UGT1A5: variants seen among roughly 807,000 people sequenced by gnomAD.
UGT1A5 encodes UDP-glucuronosyltransferase 1A5.
Under a neutral mutation model 40.3 loss-of-function variants are expected in UGT1A5, and 29 were observed. The observed-to-expected ratio is 0.72, with a 90% confidence interval of 0.54 to 0.98. The LOEUF (loss-of-function observed/expected upper bound fraction) is 0.98. Ranked by LOEUF, UGT1A5 falls within the 50% of genes least tolerant of loss-of-function variation. UGT1A5 has a pLI of 0.00. For synonymous variants in UGT1A5, 257 were observed against 262.5 expected (o/e 0.98, Z 0.20); for missense variants, 678 against 677.9 (o/e 1.00, Z 0.00).
At chr2:233,734,101 TATA>T (rs549143261) in intron 1 of UGT1A5, among the ~76,000 whole-genome samples, 12 of 151,314 alleles carry the variant, frequency 7.9e-5, no homozygotes, top group South Asian at 4.2e-4. Flanking sequence ...AAACTTAAAG[TATA>T]ATAATAATAA....
chr2:233,755,024 G>A (rs533329516), intron 1 of UGT1A5: 16 of 1,306,402 alleles, frequency 1.2e-5, no homozygotes, highest in Non-Finnish European at 1.7e-5. Flanking sequence ...GGTCCTTGAA[G>A]GGCCTGCCGC....
chr2:233,756,091 CATT>C (rs1696120004), intron 1 of UGT1A5: 1 of 152,178 alleles, frequency 6.6e-6, no homozygotes, highest in Admixed American at 6.5e-5. Context: ...AATCAAGTAA[CATT>C]ATTACGGAAA....
intron 1 of UGT1A5, among the ~76,000 whole-genome samples, chr2:233,765,603 T>TG (rs1226627495): frequency 6.6e-6 from 1 of 151,130 alleles, no homozygotes; most frequent in African/African-American, 2.4e-5. Context: ...CCAGGGCTTG[T>TG]GGCGGGGTGA....
intron 1 of UGT1A5, among the ~76,000 whole-genome samples, chr2:233,721,122 T>G (rs2076922225): frequency 6.6e-6 from 1 of 152,196 alleles, no homozygotes; most frequent in Admixed American, 6.5e-5. Context: ...GTACTTCTTT[T>G]TATTAGTGTA....
chr2:233,745,864 C>G (rs1478966611), intron 1 of UGT1A5, among the ~76,000 whole-genome samples: 1 of 151,232 alleles, frequency 6.6e-6, no homozygotes, highest in Non-Finnish European at 1.5e-5. Flanking sequence ...AGCTGCTGAC[C>G]AAGGTTCCAG....
intron 1 of UGT1A5, chr2:233,753,586 C>G (rs1242811464): frequency 6.6e-6 from 1 of 152,168 alleles, no homozygotes; most frequent in Admixed American, 6.5e-5. Context: ...GATGGACTAC[C>G]CCAAGGCAAT....
chr2:233,722,716 G>A (rs952694849), intron 1 of UGT1A5, among the ~76,000 whole-genome samples: 1 of 151,988 alleles, frequency 6.6e-6, no homozygotes, highest in Non-Finnish European at 1.5e-5. Flanking sequence ...TTAAATATCA[G>A]TTTTTAAATT....
At chr2:233,764,522 C>G (rs1698581178) in intron 1 of UGT1A5, among the ~76,000 whole-genome samples, 1 of 152,138 alleles carries the variant, frequency 6.6e-6, no homozygotes, top group Non-Finnish European at 1.5e-5. Context: ...TGAATCACAT[C>G]CTGCTGATTG....
chr2:233,721,742 G>A lies in UGT1A5; in HGVS notation c.867+7884G>A, dbSNP rs752644717. On this transcript the variant is annotated intron_variant, in intron 1 of 4. Transcript: ENST00000373414. ...TTTACTTGGATAAGCTTAATGATGA[G>A]AGAATCTACATCTAAATTGTTATAT... 6 of 435,954 alleles carry A rather than the reference G, an allele frequency of 1.4e-5. No individual in the cohort carries two copies. The East Asian group carries it at 1.9e-4, about 14-fold the overall frequency. The allele number at this position is 435,954 out of a possible 1,614,324, so 27.0% of individuals were successfully genotyped here. A position where few individuals can be genotyped will look rare whatever the true frequency, so the allele number is the denominator to read the frequency against.
intron 1 of UGT1A5, chr2:233,760,101 A>G (rs1697321956): frequency 2.6e-6 from 3 of 1,137,760 alleles, no homozygotes; most frequent in Admixed American, 5.6e-5. Context: ...GTTGTTGCCT[A>G]TTAAGAAACC....
At chr2:233,737,391 C>A (rs1208787903) in intron 1 of UGT1A5, among the ~76,000 whole-genome samples, 1 of 152,188 alleles carries the variant, frequency 6.6e-6, no homozygotes, top group Non-Finnish European at 1.5e-5. Context: ...TCCTTGTCTG[C>A]CAGTTTATAA....
At chr2:233,737,915 A>C (rs986485881) in intron 1 of UGT1A5, among the ~76,000 whole-genome samples, 8 of 152,040 alleles carry the variant, frequency 5.3e-5, no homozygotes, top group Non-Finnish European at 8.8e-5. Context: ...AGAACAGGCT[A>C]GTGTATTTAG....
chr2:233,732,815 A>G (rs1359476181), intron 1 of UGT1A5, among the ~76,000 whole-genome samples: 2 of 140,410 alleles, frequency 1.4e-5, no homozygotes, highest in African/African-American at 5.5e-5. Context: ...TTGATTCCAT[A>G]TGAACTTTAA....
intron 1 of UGT1A5, chr2:233,719,017 A>G: frequency 6.2e-7 from 1 of 1,614,274 alleles, no homozygotes; most frequent in Non-Finnish European, 8.5e-7. Flanking sequence ...CCAGAGGTGA[A>G]TATGCACATC....
In UGT1A5 at chr2:233,713,363, A is replaced by G. The variant is rs753739474; in HGVS notation, c.372A>G (p.Ile124Met). Reference sequence around the variant, plus strand: ...TTATGAACAATATGTCTTTGATCATACATAGGTCTTGTGTGGAGCTACTGC... The same window carrying G: ...TTATGAACAATATGTCTTTGATCATGCATAGGTCTTGTGTGGAGCTACTGC... Reference protein sequence around the residue: ...MAIMNNMSLIIHRSCVELLHN... With the variant: ...MAIMNNMSLIMHRSCVELLHN... The change falls in exon 1 of 5, where the codon ATA (isoleucine) becomes ATG (methionine). Residue 124 changes from isoleucine (I) to methionine (M), a missense_variant. Transcript: ENST00000373414. 1.9e-6 allele frequency: 3 copies of G among 1,614,204 alleles called. No homozygotes were observed. Among genetic ancestry groups the G allele is most frequent in the South Asian group, 2.2e-5 (2 of 91,080 alleles).
chr2:233,767,288 C>T (rs1214442488), intron 2 of UGT1A5, 123 bp downstream of exon 2: 1 of 1,566,280 alleles, frequency 6.4e-7, no homozygotes, highest in African/African-American at 1.4e-5. Flanking sequence ...TGCCACTTCC[C>T]AACTATTAAT....
intron 1 of UGT1A5, among the ~76,000 whole-genome samples, chr2:233,757,266 G>A (rs1402827144): frequency 1.5e-5 from 2 of 132,588 alleles, no homozygotes; most frequent in African/African-American, 5.6e-5. Context: ...GGTGGCAGCC[G>A]ATGCAATGAT....
chr2:233,755,163 G>A (rs183842611), intron 1 of UGT1A5: 2 of 1,285,674 alleles, frequency 1.6e-6, no homozygotes, highest in African/African-American at 1.6e-5. Flanking sequence ...CCTGTCCTCG[G>A]GGTTTTTGTC....
chr2:233,713,195 C>T lies in UGT1A5; in HGVS notation c.204C>T (p.Tyr68=). The T allele has an allele frequency of 2.5e-6, 4 of 1,614,230 alleles. No homozygotes were observed. Among genetic ancestry groups the T allele is most frequent in the South Asian group, 2.2e-5 (2 of 91,082 alleles). The part of the protein sequence containing the change: ...VVVLTLEVNM[Y]IKEENFFTLT... ...TCCTCACCCTGGAGGTGAATATGTA[C>T]ATCAAAGAAGAGAACTTTTTCACCC... Residue 68 remains tyrosine, a synonymous_variant, in exon 1 of 5, where the codon TAC becomes TAT. Transcript: ENST00000373414.
Sources: gnomAD v4.1 joint callset for allele counts (sites outside exome capture counted in the v4.1 genomes callset) on GRCh38, gnomAD v4.1.1 for gene constraint, MANE v1.5 for transcripts, NCBI Gene and HGNC (gene_info 2026-07-23, HGNC 2026-07-21) for gene names.